The following ZNF804B variants were observed in gnomAD, a reference collection of about 807,000 sequenced individuals.
ZNF804B encodes the protein zinc finger protein 804B, also known as zinc finger 804B.
Under a neutral mutation model 101.4 loss-of-function variants are expected in ZNF804B, and 80 were observed. The ratio of observed to expected loss-of-function variants is 0.79; its 90% confidence interval spans 0.66 to 0.95. ZNF804B has a LOEUF of 0.95. ZNF804B is among the 40% of genes least tolerant of loss of function. The pLI is 0.00. For missense variants in ZNF804B, 1,673 were observed against 1,561.9 expected, an observed-to-expected ratio of 1.07 and a Z score of -1.20; for synonymous variants, 622 against 558.8, an observed-to-expected ratio of 1.11 and a Z score of -1.59.
At chr7:88,965,835 C>A (rs1430660317) in intron 1 of ZNF804B, among the ~76,000 whole-genome samples, 2 of 151,398 alleles carry the variant, frequency 1.3e-5, no homozygotes, top group Non-Finnish European at 3.0e-5. Context: ...ATTAAGATGA[C>A]AATCAATCAG....
intron 1 of ZNF804B, among the ~76,000 whole-genome samples, chr7:88,867,503 A>C (rs1389711829): frequency 6.6e-6 from 1 of 152,200 alleles, no homozygotes; most frequent in Admixed American, 6.5e-5. Flanking sequence ...TGCATGCTTC[A>C]CTAATTGAAT....
At chr7:89,050,777 T>A (rs890844944) in intron 1 of ZNF804B, among the ~76,000 whole-genome samples, 1 of 152,144 alleles carries the variant, frequency 6.6e-6, no homozygotes, top group Non-Finnish European at 1.5e-5. Flanking sequence ...AGTGAAATGA[T>A]AGAGATGAAC....
In ZNF804B at chr7:88,913,332, C is replaced by T. The variant is rs530414256; in HGVS notation, c.108+153248C>T. ...TTACTTAAATTCAAATTCATTACTTCTGCAAGTTTCTCTGGAGATAGCACA... is the reference window on the plus strand; with the variant it reads ...TTACTTAAATTCAAATTCATTACTTTTGCAAGTTTCTCTGGAGATAGCACA... On this transcript the variant is annotated intron_variant, in intron 1 of 3. Transcript: ENST00000333190. Among the ~76,000 whole-genome samples, 11 of 152,286 alleles carry T rather than the reference C, an allele frequency of 7.2e-5. No individual in the cohort carries two copies. In the South Asian group the frequency reaches 2.3e-3, roughly 32 times the overall value.
intron 1 of ZNF804B, among the ~76,000 whole-genome samples, chr7:89,115,903 T>TG (rs1208510174): frequency 8.2e-4 from 47 of 57,100 alleles, no homozygotes; most frequent in Non-Finnish European, 1.3e-3. Flanking sequence ...CAGGTTTTTT[T>TG]GTTTTTTTTT....
chr7:88,956,545 ATAAAAT>A (rs1281998722), intron 1 of ZNF804B, among the ~76,000 whole-genome samples: 2 of 151,392 alleles, frequency 1.3e-5, no homozygotes, highest in Admixed American at 6.6e-5. Flanking sequence ...TTAAAAATAA[ATAAAAT>A]TATAATATCT....
chr7:89,020,394 T>C (rs1226876129), intron 1 of ZNF804B, among the ~76,000 whole-genome samples: 2 of 152,166 alleles, frequency 1.3e-5, no homozygotes, highest in African/African-American at 4.8e-5. Flanking sequence ...TATTCCGTTC[T>C]CACCTGACCT....
intron 1 of ZNF804B, among the ~76,000 whole-genome samples, chr7:89,145,327 G>A (rs1790776368): frequency 1.3e-5 from 2 of 151,936 alleles, no homozygotes; most frequent in African/African-American, 4.8e-5. Context: ...TTCAGGAGTA[G>A]AACCATAGCT....
At chr7:88,833,041 G>A (rs537787005) in intron 1 of ZNF804B, among the ~76,000 whole-genome samples, 79 of 151,558 alleles carry the variant, frequency 5.2e-4, no homozygotes, top group African/African-American at 1.9e-3. Flanking sequence ...AAATCTGATT[G>A]TTTTTATTGA....
intron 1 of ZNF804B, among the ~76,000 whole-genome samples, chr7:89,080,425 T>C (rs1395978000): frequency 1.3e-5 from 2 of 152,002 alleles, no homozygotes; most frequent in South Asian, 2.1e-4. Context: ...TGCCAAAGAC[T>C]GAACATGCCA....
intron 1 of ZNF804B, among the ~76,000 whole-genome samples, chr7:89,015,994 A>G (rs1040990779): frequency 2.2e-4 from 34 of 152,200 alleles, no homozygotes; most frequent in African/African-American, 7.9e-4. Flanking sequence ...CCTCTCCAGC[A>G]CCTGTTGTTT....
intron 1 of ZNF804B, among the ~76,000 whole-genome samples, chr7:88,974,647 T>C (rs1793588858): frequency 6.6e-6 from 1 of 151,354 alleles, no homozygotes; most frequent in African/African-American, 2.4e-5. Flanking sequence ...AATTTTAAAA[T>C]TATTTTTAAT....
At chr7:88,880,730 A>G (rs1792017803) in intron 1 of ZNF804B, among the ~76,000 whole-genome samples, 1 of 152,128 alleles carries the variant, frequency 6.6e-6, no homozygotes, top group Admixed American at 6.6e-5. Flanking sequence ...GAAAATTTTA[A>G]TTAAATTTTT....
At chr7:88,911,209 T>A (rs186347991) in intron 1 of ZNF804B, among the ~76,000 whole-genome samples, 2 of 151,894 alleles carry the variant, frequency 1.3e-5, no homozygotes, top group African/African-American at 4.8e-5. Context: ...CGAAAGGACA[T>A]TTGCAGAAAG....
intron 1 of ZNF804B, among the ~76,000 whole-genome samples, chr7:88,870,339 C>T (rs372059491): frequency 0.011 from 1,438 of 133,914 alleles, 24 homozygotes; most frequent in Middle Eastern, 0.03. Context: ...GAGTCGAGAT[C>T]GCGCCACTGC....
chr7:89,286,545 G>A (rs1790199567), intron 2 of ZNF804B, among the ~76,000 whole-genome samples: 1 of 152,144 alleles, frequency 6.6e-6, no homozygotes, highest in Non-Finnish European at 1.5e-5. Flanking sequence ...GCAAAATACG[G>A]AGTCGGTGAG....
intron 2 of ZNF804B, among the ~76,000 whole-genome samples, chr7:89,223,097 G>A (rs1183940301): frequency 6.6e-6 from 1 of 151,846 alleles, no homozygotes; most frequent in Non-Finnish European, 1.5e-5. Context: ...TCTTGATTAT[G>A]ATAATGATTA....
intron 1 of ZNF804B, among the ~76,000 whole-genome samples, chr7:88,832,362 A>G (rs1198728772): frequency 1.3e-5 from 2 of 152,026 alleles, no homozygotes; most frequent in East Asian, 3.9e-4. Context: ...TTAAAGATGC[A>G]GACAACCAGC....
chr7:89,144,415 T>C (rs1323869864), intron 1 of ZNF804B, among the ~76,000 whole-genome samples: 2 of 152,002 alleles, frequency 1.3e-5, no homozygotes, highest in African/African-American at 2.4e-5. Context: ...CAACTGTAAG[T>C]AACATATTTT....
intron 2 of ZNF804B, among the ~76,000 whole-genome samples, chr7:89,284,513 C>T (rs1406392820): frequency 6.6e-6 from 1 of 152,116 alleles, no homozygotes; most frequent in Non-Finnish European, 1.5e-5. Context: ...GATAAATGAA[C>T]ACAGCATAAG....
Sources: allele counts gnomAD v4.1 joint callset (sites outside exome capture counted in the v4.1 genomes callset), GRCh38; gene constraint gnomAD v4.1.1; transcripts MANE v1.5; gene names NCBI Gene and HGNC (gene_info 2026-07-23, HGNC 2026-07-21).